ZNF423: variants seen among roughly 807,000 people sequenced by gnomAD.
ZNF423 encodes the protein Ebf-associated zinc finger protein.
A neutral mutation model predicts 95.8 loss-of-function variants in ZNF423; 12 were observed. The observed-to-expected ratio is 0.13, with a 90% CI of 0.08 to 0.20. ZNF423 has a LOEUF of 0.20. Ranked by LOEUF, ZNF423 falls within the 10% of genes least tolerant of loss-of-function variation. The probability of loss-of-function intolerance (pLI) is 1.00; values close to 1 mark genes in which losing one functional copy is unlikely to be tolerated. For synonymous variants in ZNF423, 749 were observed against 711.9 expected (o/e 1.05, Z -0.83); for missense variants, 1,316 against 1,737.1 (o/e 0.76, Z 4.31).
intron 1 of ZNF423, among the ~76,000 whole-genome samples, chr16:49,833,627 T>C (rs1045927201): frequency 7.8e-6 from 1 of 127,610 alleles, no homozygotes. Flanking sequence ...GGCAAGACAA[T>C]GATGGTGAAA....
chr16:49,641,536 A>G (rs939687834), intron 3 of ZNF423, among the ~76,000 whole-genome samples: 3 of 151,818 alleles, frequency 2.0e-5, no homozygotes, highest in African/African-American at 7.3e-5. Context: ...AACCACTATC[A>G]CTCTTGTCCC....
At chr16:49,586,455 C>T (rs1970838644) in intron 5 of ZNF423, among the ~76,000 whole-genome samples, 1 of 152,218 alleles carries the variant, frequency 6.6e-6, no homozygotes, top group Admixed American at 6.5e-5. Context: ...CCTATCAGCT[C>T]CATTTTTTGC....
chr16:49,664,280 T>G (rs1263589778), intron 3 of ZNF423: 8 of 985,356 alleles, frequency 8.1e-6, no homozygotes, highest in Middle Eastern at 1.0e-3. Flanking sequence ...CGGAGAAGGA[T>G]GGGCCGAGGG....
chr16:49,671,917 T>C (rs2030830662), intron 3 of ZNF423, among the ~76,000 whole-genome samples: 1 of 152,116 alleles, frequency 6.6e-6, no homozygotes, highest in Admixed American at 6.5e-5. Flanking sequence ...ACTCCTGAGA[T>C]CAGGCAATCT....
chr16:49,600,435 T>C (rs911939618), intron 5 of ZNF423, among the ~76,000 whole-genome samples: 7 of 152,070 alleles, frequency 4.6e-5, no homozygotes, highest in African/African-American at 1.7e-4. Context: ...TGCGATGAAT[T>C]CGTGCAGCCC....
At chr16:49,513,368 C>T (rs746847879) in intron 7 of ZNF423, among the ~76,000 whole-genome samples, 3 of 152,232 alleles carry the variant, frequency 2.0e-5, no homozygotes, top group Non-Finnish European at 4.4e-5. Context: ...TCACAGAAAG[C>T]GCAGCCAGAG....
intron 1 of ZNF423, among the ~76,000 whole-genome samples, chr16:49,793,463 G>A (rs572288214): frequency 2.6e-5 from 4 of 152,322 alleles, no homozygotes; most frequent in Middle Eastern, 3.4e-3. Context: ...GGCCCGCGGC[G>A]CCTCCTCCAG....
intron 2 of ZNF423, among the ~76,000 whole-genome samples, chr16:49,769,941 T>C (rs1258782278): frequency 4.6e-5 from 7 of 152,104 alleles, no homozygotes; most frequent in Non-Finnish European, 1.0e-4. Flanking sequence ...GAGGCCTCTC[T>C]GACCACCCCA....
At chr16:49,743,337 C>A (rs1437586514) in intron 2 of ZNF423, among the ~76,000 whole-genome samples, 1 of 152,162 alleles carries the variant, frequency 6.6e-6, no homozygotes, top group Admixed American at 6.5e-5. Context: ...TCCTTCTCCA[C>A]TTATCATAGC....
chr16:49,526,598 G>A (rs774590742), intron 5 of ZNF423, among the ~76,000 whole-genome samples: 4 of 152,128 alleles, frequency 2.6e-5, no homozygotes, highest in African/African-American at 7.2e-5. Context: ...CCTGCTTCCC[G>A]GGCTGCAGGA....
chr16:49,698,034 C>A (rs930799070), intron 3 of ZNF423, among the ~76,000 whole-genome samples: 1 of 152,130 alleles, frequency 6.6e-6, no homozygotes, highest in Non-Finnish European at 1.5e-5. Context: ...GGGACCAGCC[C>A]GACTCCACAT....
intron 2 of ZNF423, among the ~76,000 whole-genome samples, chr16:49,779,331 A>C (rs112828054): frequency 0.02 from 2,998 of 152,032 alleles, 84 homozygotes; most frequent in African/African-American, 0.069. Flanking sequence ...AAATTATGTC[A>C]GGGCTATCAT....
At chr16:49,692,585 C>G (rs1173039421) in intron 3 of ZNF423, among the ~76,000 whole-genome samples, 1 of 152,206 alleles carries the variant, frequency 6.6e-6, no homozygotes, top group Non-Finnish European at 1.5e-5. Flanking sequence ...GCCGCCTCGT[C>G]CATCTTGCTA....
intron 4 of ZNF423, among the ~76,000 whole-genome samples, chr16:49,632,374 T>C (rs1052853025): frequency 6.6e-6 from 1 of 151,746 alleles, no homozygotes; most frequent in African/African-American, 2.4e-5. Flanking sequence ...AGGGAAGGGG[T>C]GGGCTAACTG....
intron 2 of ZNF423, among the ~76,000 whole-genome samples, chr16:49,748,496 G>A (rs950069020): frequency 4.6e-5 from 7 of 152,150 alleles, no homozygotes; most frequent in South Asian, 4.1e-4. Flanking sequence ...TGCCTAAAAC[G>A]CGTCTTGGCC....
chr16:49,629,231 T>C (rs1972411526), intron 4 of ZNF423, among the ~76,000 whole-genome samples: 1 of 152,232 alleles, frequency 6.6e-6, no homozygotes, highest in South Asian at 2.1e-4. Context: ...ATATTTATAG[T>C]CCAGGCCCTG....
chr16:49,614,318 G>C (rs1971809449), intron 5 of ZNF423, among the ~76,000 whole-genome samples: 1 of 152,224 alleles, frequency 6.6e-6, no homozygotes, highest in Non-Finnish European at 1.5e-5. Context: ...TGAGAACGTA[G>C]AGAAATGTGA....
chr16:49,539,733 G>A (rs1362450972), intron 5 of ZNF423, among the ~76,000 whole-genome samples: 1 of 152,148 alleles, frequency 6.6e-6, no homozygotes, highest in Non-Finnish European at 1.5e-5. Context: ...AGCTTGCTTA[G>A]GAGGAGTCTG....
intron 1 of ZNF423, among the ~76,000 whole-genome samples, chr16:49,821,987 T>C (rs2034948522): frequency 6.6e-6 from 1 of 152,084 alleles, no homozygotes; most frequent in Non-Finnish European, 1.5e-5. Flanking sequence ...TTCAATCACT[T>C]CCACATCCCT....
Sources: allele counts gnomAD v4.1 joint callset (sites outside exome capture counted in the v4.1 genomes callset), GRCh38; gene constraint gnomAD v4.1.1; transcripts MANE v1.5; gene names NCBI Gene and HGNC (gene_info 2026-07-23, HGNC 2026-07-21).